The following JPH4 variants were observed in gnomAD, a reference collection of about 807,000 sequenced individuals.
JPH4 encodes the protein junctophilin-4.
A neutral mutation model predicts 57.6 loss-of-function variants in JPH4; 18 were observed. The ratio of observed to expected loss-of-function variants is 0.31; its 90% CI spans 0.22 to 0.46. The LOEUF (loss-of-function observed/expected upper bound fraction) is 0.46. Ranked by LOEUF, JPH4 falls within the 20% of genes least tolerant of loss-of-function variation. JPH4 has a pLI of 1.00. For missense variants in JPH4, 727 were observed against 911.1 expected (o/e 0.80, Z 2.60); for synonymous variants, 425 against 406.6 (o/e 1.05, Z -0.54).
Position 23,568,715 on chromosome 14 carries a change from C to G in JPH4, c.*919G>C. ...ATGTGGGGGCCTTGCTCAAGTGCCT[C>G]TAACCCTCTGCAGTAGAAATGTCTT... On this transcript the variant is annotated 3_prime_UTR_variant, in exon 6 of 6. Coordinates refer to ENST00000356300, the MANE Select transcript of JPH4 (RefSeq NM_001146028.2). 1.0e-6 allele frequency: 1 copy of G among 985,970 alleles called. No individual in the cohort carries two copies. Among genetic ancestry groups the G allele is most frequent in the Non-Finnish European group, 1.2e-6 (1 of 830,028 alleles). The allele number at this position is 985,970 out of a possible 1,614,324, so 61.1% of individuals were successfully genotyped here.
rs777759508 is a variant in JPH4 at position 23,571,827 on chromosome 14, G to C, written c.1245C>G (p.Asp415Glu). The C allele has an allele frequency of 6.2e-7, 1 of 1,612,848 alleles. No individual in the cohort carries two copies. ...CTGGGGCCTCTAGCATGGGCTGCAG[G>C]TCCTGGGCTATCAGTTTGGCCATTC... ...AARMAKLIAQ[D>E]LQPMLEAPGR... is the part of the protein sequence containing the mutation. Residue 415 changes from aspartate (D) to glutamate (E), a missense_variant, in exon 4 of 6, where the codon GAC becomes GAG. Transcript: ENST00000356300. The surrounding 1 kb of genome is among the most constrained non-coding windows in gnomAD (Gnocchi z 4.6).
At position 23,577,134 on chromosome 14, in the gene JPH4, G is replaced by A; in HGVS notation, c.320C>T (p.Ala107Val). The A allele has an allele frequency of 6.4e-7, 1 of 1,553,582 alleles. No homozygotes were observed. The highest frequency in any genetic ancestry group is 8.6e-7 in the Non-Finnish European group (1 of 1,158,110). Residue 107 changes from alanine (A) to valine (V), a missense_variant, in exon 2 of 6, where the codon GCC becomes GTC. By Grantham distance (64) the Ala-to-Val change is moderately conservative (BLOSUM62 0). Coordinates refer to ENST00000356300, the MANE Select transcript of JPH4 (RefSeq NM_001146028.2). This position sits in a 1 kb window ranked among gnomAD's most constrained non-coding sequence, Gnocchi z 8.4. The stretch of plus-strand genomic sequence containing the variant: ...CTGGAAACCGTCCTTCCAGAGCCCG[G>A]CGTAGCGCAGGCCGGACACGCTTTC... ...VWESVSGLRY[A>V]GLWKDGFQDG...
rs375908171 is a variant in JPH4, at chr14:23,571,866, G to C, written c.1206C>G (p.Ala402=). The change falls in exon 4 of 6, where the codon GCC becomes GCG. Residue 402 remains alanine (A), a synonymous_variant. Coordinates refer to ENST00000356300, the MANE Select transcript of JPH4 (RefSeq NM_001146028.2). This position sits in a 1 kb window ranked among gnomAD's most constrained non-coding sequence, Gnocchi z 4.6. ...GTTTGGCCATTCGAGCTGCCTCCAC[G>C]GCCTTCTCAGCGACACTGCTGGCTG... ...AVAASSVAEK[A]VEAARMAKLI... 3.1e-6 allele frequency: 5 copies of C among 1,612,966 alleles called. No individual in the cohort carries two copies. Among genetic ancestry groups the C allele is most frequent in the Non-Finnish European group, 3.4e-6 (4 of 1,179,908 alleles).
chr14:23,577,004 G>C lies in JPH4; in HGVS notation c.379+71C>G, dbSNP rs1054473890. 3.6e-6 allele frequency: 5 copies of C among 1,404,002 alleles called. No homozygotes were observed. The African/African-American group carries it at 7.5e-5, about 21-fold the overall frequency. 87.0% of individuals were successfully genotyped at this position (1,404,002 alleles called of 1,614,324 possible). On this transcript the variant is annotated intron_variant, in intron 2 of 5. Transcript: ENST00000356300. This position sits in a 1 kb window ranked among gnomAD's most constrained non-coding sequence, Gnocchi z 8.4. ...GGATGGGCGCAAGGGCGCAAATGGC[G>C]GGCGAAGGCCCAAGGCTGGGGAAGG...
rs755537142 is a variant in JPH4 at position 23,571,267 on chromosome 14, G to A, written c.1464C>T (p.Pro488=). ...SPLPPGGDQG[P]FSSPKAWPEE... is the part of the protein sequence containing the mutation. ...CAGGCCAAGCTTTGGGGCTGGAGAA[G>A]GGACCCTGGTCCCCTCCAGGAGGCA... Residue 488 remains proline, a synonymous_variant, in exon 5 of 6, where the codon CCC becomes CCT. Transcript: ENST00000356300. The surrounding 1 kb of genome is among the most constrained non-coding windows in gnomAD (Gnocchi z 4.6). 4 of 1,605,684 alleles carry A rather than the reference G, an allele frequency of 2.5e-6. No individual in the cohort carries two copies. The highest frequency in any genetic ancestry group is 3.4e-5 in the Admixed American group (2 of 59,240).
rs10143391 is a variant in JPH4 at position 23,576,845 on chromosome 14, A to T, written c.379+230T>A. ...GGCAGGTAGAGAGGGAGGTGTGAGG[A>T]CAGGCAGACAGGGAAGGGGTGAGGG... is the stretch of plus-strand genomic sequence containing the variant. On this transcript the variant is annotated intron_variant, in intron 2 of 5. Transcript: ENST00000356300. This position sits in a 1 kb window ranked among gnomAD's most constrained non-coding sequence, Gnocchi z 8.0. 0.021 allele frequency among the ~76,000 whole-genome samples: 3,177 copies of T among 152,192 alleles called. 103 individuals carry two copies. The highest frequency in any genetic ancestry group is 0.072 in the African/African-American group (2,987 of 41,520).
In JPH4 at chr14:23,577,274, G is replaced by A. The variant is rs966582549; in HGVS notation, c.180C>T (p.Ser60=). Residue 60 remains serine, a synonymous_variant, in exon 2 of 6, where the codon AGC becomes AGT. Transcript: ENST00000356300. This position sits in a 1 kb window ranked among gnomAD's most constrained non-coding sequence, Gnocchi z 8.4. ...LGVFTGPGGH[S]YQGHWQQGKR... ...TGCCCTGCTGCCAGTGGCCCTGGTA[G>A]CTGTGTCCGCCGGGCCCCGTGAAGA... 6.5e-7 allele frequency: 1 copy of A among 1,537,406 alleles called. No individual in the cohort carries two copies. The highest frequency in any genetic ancestry group is 8.7e-7 in the Non-Finnish European group (1 of 1,145,106).
chr14:23,570,042 G>A (rs1889065123), intron 5 of JPH4, among the ~76,000 whole-genome samples: 2 of 152,174 alleles, frequency 1.3e-5, no homozygotes, highest in South Asian at 4.1e-4. Context: ...CAGTAAGGCA[G>A]AGGGATGAAG....
rs138692749 is a variant in JPH4 at position 23,571,235 on chromosome 14, C to A, written c.1496G>T (p.Trp499Leu). Residue 499 changes from tryptophan (W) to leucine (L), a missense_variant, in exon 5 of 6, where the codon TGG (tryptophan) becomes TTG (leucine). Trp to Leu is a moderately conservative substitution (Grantham distance 61). Coordinates refer to ENST00000356300, the MANE Select transcript of JPH4 (RefSeq NM_001146028.2). This position sits in a 1 kb window ranked among gnomAD's most constrained non-coding sequence, Gnocchi z 4.6. Reference protein sequence around the residue: ...FSSPKAWPEEWGGAGAQAEEL... With the variant: ...FSSPKAWPEELGGAGAQAEEL... ...CTCTGCCTGTGCGCCTGCCCCCCCC[C>A]ACTCCTCAGGCCAAGCTTTGGGGCT... 186 of 1,611,504 alleles carry A rather than the reference C, an allele frequency of 1.2e-4. No homozygotes were observed. The highest frequency in any genetic ancestry group is 1.3e-4 in the Non-Finnish European group (158 of 1,178,724).
At chr14:23,578,100 G>A (rs1399347387) in intron 1 of JPH4, 80 bp downstream of exon 1, 3 of 150,294 alleles carry the variant, frequency 2.0e-5, no homozygotes, top group Admixed American at 2.0e-4. Flanking sequence ...TCGGGGGATG[G>A]GGCCCAGGGG....
chr14:23,577,414 A>T lies in JPH4; in HGVS notation c.40T>A (p.Cys14Ser), dbSNP rs1889301866. The T allele has an allele frequency of 1.4e-6, 2 of 1,452,668 alleles. No individual in the cohort carries two copies. Among genetic ancestry groups the T allele is most frequent in the South Asian group, 2.8e-5 (2 of 72,372 alleles). 90.0% of individuals were successfully genotyped at this position (1,452,668 alleles called of 1,614,324 possible). Residue 14 changes from cysteine to serine, a missense_variant, in exon 2 of 6, where the codon TGC becomes AGC. Coordinates refer to ENST00000356300, the MANE Select transcript of JPH4 (RefSeq NM_001146028.2). The surrounding 1 kb of genome is among the most constrained non-coding windows in gnomAD (Gnocchi z 8.4). ...CCCGCCTCCCAGCCCCCCACGTAGC[A>T]GCCCCCGTCGTCAAAGTCGAACTTG... The part of the protein sequence containing the change: ...GGKFDFDDGG[C>S]YVGGWEAGRA...
In JPH4 at chr14:23,576,752, C is replaced by G. The variant is rs958327620; in HGVS notation, c.380-296G>C. On this transcript the variant is annotated intron_variant, in intron 2 of 5. Transcript: ENST00000356300. The surrounding 1 kb of genome is among the most constrained non-coding windows in gnomAD (Gnocchi z 8.0). The stretch of plus-strand genomic sequence containing the variant: ...CATGCGAAGGACAGGCTGGTCAGGG[C>G]GTTTAGATAGGCAAACAGTACTCTG... Among the ~76,000 whole-genome samples the G allele has an allele frequency of 1.3e-5, 2 of 151,922 alleles. No individual in the cohort carries two copies. Among genetic ancestry groups the G allele is most frequent in the Non-Finnish European group, 2.9e-5 (2 of 68,004 alleles).
At position 23,577,520 on chromosome 14, in the gene JPH4, G is replaced by T; in HGVS notation, c.-67C>A. The T allele has an allele frequency of 7.6e-7, 1 of 1,324,230 alleles. No homozygotes were observed. Among genetic ancestry groups the T allele is most frequent in the East Asian group, 3.1e-5 (1 of 32,482 alleles). The allele number at this position is 1,324,230 out of a possible 1,614,324, so 82.0% of individuals were successfully genotyped here. A position where few individuals can be genotyped will look rare whatever the true frequency, so the allele number is the denominator to read the frequency against. ...CATCCTGGGACTGGAGAGCCTGCTG[G>T]GGGCCTTGGAGCCGGGCGAGGCCTC... On this transcript the variant is annotated 5_prime_UTR_variant, in exon 2 of 6. Transcript: ENST00000356300. This position sits in a 1 kb window ranked among gnomAD's most constrained non-coding sequence, Gnocchi z 8.4.
Position 23,568,561 on chromosome 14 carries a change from G to T in JPH4, c.*1073C>A. On this transcript the variant is annotated 3_prime_UTR_variant, in exon 6 of 6. Transcript: ENST00000356300. Reference sequence around the variant, plus strand: ...ATTTCACAAGATTCTGATGTAAAGGGGGAAGGGATATAACCCATTTTGGGA... The same window carrying T: ...ATTTCACAAGATTCTGATGTAAAGGTGGAAGGGATATAACCCATTTTGGGA... 3.0e-6 allele frequency: 3 copies of T among 985,806 alleles called. No individual in the cohort carries two copies. The highest frequency in any genetic ancestry group is 3.5e-5 in the African/African-American group (2 of 57,350). 61.1% of individuals were successfully genotyped at this position (985,806 alleles called of 1,614,324 possible).
Position 23,577,807 on chromosome 14 carries a change from T to A in JPH4, c.-171-183A>T. The A allele has an allele frequency of 5.4e-6, 1 of 184,068 alleles. No homozygotes were observed. The highest frequency in any genetic ancestry group is 1.1e-5 in the Non-Finnish European group (1 of 89,324). 11.4% of individuals were successfully genotyped at this position (184,068 alleles called of 1,614,324 possible). ...GGGGCTTCCCCCATTTCTGTCTTTG[T>A]GGAGCGGGCCCCTCCCAGGACTTGG... On this transcript the variant is annotated intron_variant, in intron 1 of 5. Coordinates refer to ENST00000356300, the MANE Select transcript of JPH4 (RefSeq NM_001146028.2). This position sits in a 1 kb window ranked among gnomAD's most constrained non-coding sequence, Gnocchi z 8.4.
Position 23,577,718 on chromosome 14 carries a change from G to GC in JPH4, c.-171-95dup. 2.7e-6 allele frequency: 1 copy of GC among 367,664 alleles called. No homozygotes were observed. Among genetic ancestry groups the GC allele is most frequent in the Non-Finnish European group, 4.9e-6 (1 of 205,984 alleles). The allele number at this position is 367,664 out of a possible 1,614,324, so 22.8% of individuals were successfully genotyped here. A position where few individuals can be genotyped will look rare whatever the true frequency, so the allele number is the denominator to read the frequency against. On this transcript the variant is annotated intron_variant, in intron 1 of 5. Coordinates refer to ENST00000356300, the MANE Select transcript of JPH4 (RefSeq NM_001146028.2). The surrounding 1 kb of genome is among the most constrained non-coding windows in gnomAD (Gnocchi z 8.4). Reference sequence around the variant, plus strand: ...CCGGTGGCTCTGGGGCATCAGCGCCGCCCCCCAATCCACCCCCCTCCTTTG... The same window carrying GC: ...CCGGTGGCTCTGGGGCATCAGCGCCGCCCCCCCAATCCACCCCCCTCCTTTG...
chr14:23,572,670 C>A (rs531156167), intron 3 of JPH4, among the ~76,000 whole-genome samples: 1 of 152,258 alleles, frequency 6.6e-6, no homozygotes, highest in South Asian at 2.1e-4. Context: ...ACCCCACTGC[C>A]CCCCGTCATG....
chr14:23,576,274 C>A lies in JPH4; in HGVS notation c.562G>T (p.Ala188Ser). ...ACGAAGCCGCCCCGGGAGCCCGAGGCGGGGCTGCCTCCCTCGTCGCCCGGC... is the reference window on the plus strand; with the variant it reads ...ACGAAGCCGCCCCGGGAGCCCGAGGAGGGGCTGCCTCCCTCGTCGCCCGGC... ...PLPGDEGGSP[A>S]SGSRGGFVLA... Residue 188 changes from alanine (A) to serine (S), a missense_variant, in exon 3 of 6, where the codon GCC (alanine) becomes TCC (serine). This residue lies in a region of JPH4 where 131 missense variants were observed against 156.5 expected (regional missense o/e 0.84). Coordinates refer to ENST00000356300, the MANE Select transcript of JPH4 (RefSeq NM_001146028.2). This position sits in a 1 kb window ranked among gnomAD's most constrained non-coding sequence, Gnocchi z 8.0. 7.9e-7 allele frequency: 1 copy of A among 1,265,362 alleles called. No homozygotes were observed. Among genetic ancestry groups the A allele is most frequent in the Non-Finnish European group, 9.9e-7 (1 of 1,007,204 alleles). The allele number at this position is 1,265,362 out of a possible 1,614,324, so 78.4% of individuals were successfully genotyped here.
rs1019770486 is a variant in JPH4, at chr14:23,577,582, G to C, written c.-129C>G. 4.2e-6 allele frequency: 3 copies of C among 721,280 alleles called. No individual in the cohort carries two copies. The South Asian group carries it at 8.8e-5, about 21-fold the overall frequency. The allele number at this position is 721,280 out of a possible 1,614,324, so 44.7% of individuals were successfully genotyped here. ...AGTTAGACCGGGGCCGGGCGGGGGG[G>C]CCCCAGCGAGGGCAGGCAGGGCCGG... On this transcript the variant is annotated 5_prime_UTR_variant, in exon 2 of 6. Coordinates refer to ENST00000356300, the MANE Select transcript of JPH4 (RefSeq NM_001146028.2). This position sits in a 1 kb window ranked among gnomAD's most constrained non-coding sequence, Gnocchi z 8.4.
Sources: gnomAD v4.1 joint callset for allele counts (sites outside exome capture counted in the v4.1 genomes callset) on GRCh38, gnomAD v4.1.1 for gene constraint, gnomAD v4.1.1 regional missense constraint, Gnocchi (gnomAD v3.1) non-coding constraint, MANE v1.5 for transcripts, NCBI Gene and HGNC (gene_info 2026-07-23, HGNC 2026-07-21) for gene names.